The following UGT1A7 variants were observed in gnomAD, a reference collection of about 807,000 sequenced individuals.
UGT1A7 encodes UDP glucuronosyltransferase family 1 member A7, also known as UDP-glucuronosyltransferase 1A7.
A neutral mutation model predicts 45.6 loss-of-function variants in UGT1A7; 33 were observed. That is an observed-to-expected ratio of 0.72 (90% CI 0.55 to 0.97). The LOEUF (loss-of-function observed/expected upper bound fraction) is 0.97. Ranked by LOEUF, UGT1A7 falls within the 50% of genes least tolerant of loss-of-function variation. The pLI is 0.00. For missense variants in UGT1A7, 684 were observed against 666.2 expected (o/e 1.03, Z -0.29); for synonymous variants, 274 against 250.6 (o/e 1.09, Z -0.88).
rs1400065654 is a variant in UGT1A7 at position 233,732,845 on chromosome 2, G to C, written c.856-34189G>C. 4.2e-5 allele frequency among the ~76,000 whole-genome samples: 5 copies of C among 119,428 alleles called. No individual in the cohort carries two copies. The East Asian group carries it at 1.3e-3, about 30-fold the overall frequency. 78.3% of individuals were successfully genotyped at this position (119,428 alleles called of 152,430 possible). A position where few individuals can be genotyped will look rare whatever the true frequency, so the allele number is the denominator to read the frequency against. On this transcript the variant is annotated intron_variant, in intron 1 of 4. Coordinates refer to ENST00000373426, the MANE Select transcript of UGT1A7 (RefSeq NM_019077.3). ...CTTTAAAGTAGTTTTTTCCAATTTTGTGAAGTCATTGGTAGCTTGATGGGT... is the reference window on the plus strand; with the variant it reads ...CTTTAAAGTAGTTTTTTCCAATTTTCTGAAGTCATTGGTAGCTTGATGGGT...
In UGT1A7 at chr2:233,771,027, G is replaced by C. The variant is rs186703216; in HGVS notation, c.1296-1235G>C. On this transcript the variant is annotated intron_variant, in intron 4 of 4. Transcript: ENST00000373426. ...CAAAAGCAGGAGCGAGAGAGAGTTG[G>C]GGGGGAAGGTGCCACACACTTTTTA... is the stretch of plus-strand genomic sequence containing the variant. The C allele has an allele frequency of 5.9e-5, 9 of 152,196 alleles. No homozygotes were observed. The East Asian group carries it at 1.4e-3, about 23-fold the overall frequency. The allele number at this position is 152,196 out of a possible 1,614,324, so 9.4% of individuals were successfully genotyped here. A position where few individuals can be genotyped will look rare whatever the true frequency, so the allele number is the denominator to read the frequency against.
At chr2:233,747,182 T>C (rs1414882979) in intron 1 of UGT1A7, 87 of 1,602,200 alleles carry the variant, frequency 5.4e-5, no homozygotes, top group South Asian at 4.3e-4. Flanking sequence ...CAGCGTGGGG[T>C]GGACAGTCAG....
rs1389951829 is a variant in UGT1A7 at position 233,685,797 on chromosome 2, G to GT, written c.855+3007dup. ...TTTGTTTTAAAGAAAATCTTGGCAT[G>GT]TTGTCTCATCACGAAATACTTCACT... On this transcript the variant is annotated intron_variant, in intron 1 of 4. Coordinates refer to ENST00000373426, the MANE Select transcript of UGT1A7 (RefSeq NM_019077.3). 3.3e-5 allele frequency among the ~76,000 whole-genome samples: 5 copies of GT among 152,240 alleles called. No homozygotes were observed. In the South Asian group the frequency reaches 1.0e-3, roughly 32 times the overall value.
intron 1 of UGT1A7, chr2:233,718,738 T>C: frequency 6.2e-7 from 1 of 1,611,852 alleles, no homozygotes; most frequent in Non-Finnish European, 8.5e-7. Flanking sequence ...GGTGGCTCAA[T>C]GACAAGGTAA....
chr2:233,722,960 A>G (rs932052619), intron 1 of UGT1A7, among the ~76,000 whole-genome samples: 1 of 141,792 alleles, frequency 7.1e-6, no homozygotes, highest in African/African-American at 2.6e-5. Context: ...GAGGAGGAGG[A>G]AGGGGAGGGA....
chr2:233,734,392 G>A (rs570744266), intron 1 of UGT1A7, among the ~76,000 whole-genome samples: 1 of 151,992 alleles, frequency 6.6e-6, no homozygotes, highest in Non-Finnish European at 1.5e-5. Context: ...ATTTTTTATT[G>A]CGTCTATTTG....
chr2:233,750,940 C>A (rs1694595221), intron 1 of UGT1A7, among the ~76,000 whole-genome samples: 1 of 151,854 alleles, frequency 6.6e-6, no homozygotes, highest in Non-Finnish European at 1.5e-5. Flanking sequence ...TTGGAGCCCC[C>A]ACACAGAGTC....
intron 1 of UGT1A7, among the ~76,000 whole-genome samples, chr2:233,735,199 T>C (rs2078621377): frequency 6.6e-6 from 1 of 152,232 alleles, no homozygotes; most frequent in Non-Finnish European, 1.5e-5. Flanking sequence ...TAGGTGCTCC[T>C]GTATTGGGTG....
intron 1 of UGT1A7, among the ~76,000 whole-genome samples, chr2:233,725,264 GGAGGCAGAGGCAGAGGCAGAGGCA>G (rs551912265): frequency 0.039 from 2,279 of 58,516 alleles, 576 homozygotes; most frequent in South Asian, 0.073. Context: ...CAGAGGCAGA[GGAGGCAGAGGCAGAGGCAGAGGCA>G]GAGGCAGAGG....
intron 1 of UGT1A7, among the ~76,000 whole-genome samples, chr2:233,759,688 G>T (rs537890519): frequency 7.0e-6 from 1 of 143,840 alleles, no homozygotes; most frequent in Admixed American, 7.5e-5. Flanking sequence ...TGTGAGTCTG[G>T]CTCACCTCAT....
rs984490888 is a variant in UGT1A7 at position 233,712,882 on chromosome 2, T to C, written c.855+30090T>C. On this transcript the variant is annotated intron_variant, in intron 1 of 4. Coordinates refer to ENST00000373426, the MANE Select transcript of UGT1A7 (RefSeq NM_019077.3). The stretch of plus-strand genomic sequence containing the variant: ...TGGAGGAGGGCACTCTGTCTTCAAT[T>C]ACATGTTGATTTGCTAGGTGTCTCA... 8.8e-6 allele frequency: 14 copies of C among 1,599,650 alleles called. No individual in the cohort carries two copies. In the African/African-American group the frequency reaches 1.9e-4, roughly 21 times the overall value.
intron 1 of UGT1A7, chr2:233,693,923 A>T (rs1415747588): frequency 1.6e-5 from 26 of 1,609,250 alleles, no homozygotes; most frequent in Non-Finnish European, 2.2e-5. Flanking sequence ...GTCCTCCCTC[A>T]CTCATTTGGC....
At chr2:233,713,634 C>A in intron 1 of UGT1A7, 2 of 1,613,964 alleles carry the variant, frequency 1.2e-6, no homozygotes, top group South Asian at 2.2e-5. Flanking sequence ...CAAGAACATG[C>A]TCTACCCTCT....
chr2:233,695,903 T>G (rs1451387957), intron 1 of UGT1A7, among the ~76,000 whole-genome samples: 4 of 151,844 alleles, frequency 2.6e-5, no homozygotes, highest in African/African-American at 4.8e-5. Flanking sequence ...ATGTGTGGGG[T>G]TTTTTTTCTC....
At chr2:233,725,179 G>GAGAGGCAGAGGCAGAGGCAGAGGC (rs879478240) in intron 1 of UGT1A7, among the ~76,000 whole-genome samples, 3 of 67,606 alleles carry the variant, frequency 4.4e-5, no homozygotes, top group Non-Finnish European at 8.4e-5. Context: ...AGACCGTGGG[G>GAGAGGCAGAGGCAGAGGCAGAGGC]AGAGGCAGAG....
chr2:233,690,942 A>G, intron 1 of UGT1A7: 1 of 1,016,324 alleles, frequency 9.8e-7, no homozygotes, highest in South Asian at 4.0e-5. Flanking sequence ...CCTCCAACTC[A>G]TGTTCTGTAG....
chr2:233,751,343 TTTTGA>T lies in UGT1A7; in HGVS notation c.856-15687_856-15683del, dbSNP rs1694706279. Among the ~76,000 whole-genome samples the T allele has an allele frequency of 2.0e-5, 3 of 150,848 alleles. No homozygotes were observed. In the South Asian group the frequency reaches 6.2e-4, roughly 31 times the overall value. ...ACCCCCATTGTGTCTTGGAAGTTAC[TTTTGA>T]TTTTACAGGCTCATGGGGGAAGGGA... On this transcript the variant is annotated intron_variant, in intron 1 of 4. Coordinates refer to ENST00000373426, the MANE Select transcript of UGT1A7 (RefSeq NM_019077.3).
At chr2:233,760,186 C>G (rs1697340087) in intron 1 of UGT1A7, 1 of 1,558,442 alleles carries the variant, frequency 6.4e-7, no homozygotes, top group Admixed American at 1.8e-5. Flanking sequence ...TTTTTATAGT[C>G]ACGTGACACA....
At chr2:233,712,264 CT>C (rs2076222738) in intron 1 of UGT1A7, among the ~76,000 whole-genome samples, 1 of 152,216 alleles carries the variant, frequency 6.6e-6, no homozygotes, top group African/African-American at 2.4e-5. Flanking sequence ...CACATGTGTG[CT>C]TTAGACAGCA....
Sources: gnomAD v4.1 joint callset for allele counts (sites outside exome capture counted in the v4.1 genomes callset) on GRCh38, gnomAD v4.1.1 for gene constraint, MANE v1.5 for transcripts, NCBI Gene and HGNC (gene_info 2026-07-23, HGNC 2026-07-21) for gene names.